DNM3: variants seen among roughly 807,000 people sequenced by gnomAD.
DNM3 encodes the protein dynamin-3.
Under a neutral mutation model 101.6 loss-of-function variants are expected in DNM3, and 47 were observed. That is an observed-to-expected ratio of 0.46 (90% CI 0.37 to 0.59). The LOEUF (loss-of-function observed/expected upper bound fraction) is 0.59. Ranked by LOEUF, DNM3 falls within the 20% of genes least tolerant of loss-of-function variation. The pLI, the probability that DNM3 is intolerant of heterozygous loss-of-function variation, is 0.00. For missense variants in DNM3, 849 were observed against 1,085.7 expected (o/e 0.78, Z 3.06); for synonymous variants, 385 against 387.9 (o/e 0.99, Z 0.09).
At chr1:171,996,572 A>C (rs2046009898) in intron 4 of DNM3, among the ~76,000 whole-genome samples, 1 of 152,126 alleles carries the variant, frequency 6.6e-6, no homozygotes, top group Admixed American at 6.6e-5. Flanking sequence ...GTAGATAAAA[A>C]TAAACACAGG....
At chr1:172,131,146 C>T in intron 13 of DNM3, 29 bp from the exon 14 acceptor site, 2 of 1,599,756 alleles carry the variant, frequency 1.3e-6, no homozygotes, top group Non-Finnish European at 1.7e-6. Context: ...TTAAACTAAA[C>T]ACCTCTGCTG....
chr1:172,248,456 G>A (rs1445131296), intron 14 of DNM3, among the ~76,000 whole-genome samples: 2 of 152,086 alleles, frequency 1.3e-5, no homozygotes, highest in African/African-American at 4.8e-5. Flanking sequence ...CTTCCAATCT[G>A]TGCTTGAAGA....
intron 17 of DNM3, among the ~76,000 whole-genome samples, chr1:172,361,141 C>A (rs1304067271): frequency 1.3e-5 from 2 of 151,932 alleles, no homozygotes; most frequent in Non-Finnish European, 2.9e-5. Context: ...ATCCTGTGTC[C>A]CTTCTGCACT....
intron 4 of DNM3, among the ~76,000 whole-genome samples, chr1:172,029,341 T>TTTG (rs1300226004): frequency 1.3e-5 from 2 of 149,526 alleles, no homozygotes; most frequent in East Asian, 2.0e-4. Flanking sequence ...CAGAAAGGCC[T>TTTG]ACAAAATTCA....
chr1:172,314,091 G>T (rs2065202321), intron 16 of DNM3, among the ~76,000 whole-genome samples: 2 of 152,040 alleles, frequency 1.3e-5, no homozygotes, highest in Admixed American at 1.3e-4. Context: ...GTTTGACTCA[G>T]CAATCCCATT....
intron 14 of DNM3, among the ~76,000 whole-genome samples, chr1:172,152,509 G>A (rs991621058): frequency 6.6e-6 from 1 of 151,900 alleles, no homozygotes; most frequent in African/African-American, 2.4e-5. Context: ...ATTCTTATAC[G>A]GGTTAGGTTG....
At chr1:172,373,996 CAGA>C (rs1304470379) in intron 17 of DNM3, among the ~76,000 whole-genome samples, 1 of 151,988 alleles carries the variant, frequency 6.6e-6, no homozygotes, top group African/African-American at 2.4e-5. Context: ...TTTACAGTGA[CAGA>C]AGAAGTTCTG....
chr1:172,096,242 A>AT (rs1323096993), intron 13 of DNM3, among the ~76,000 whole-genome samples: 2 of 152,170 alleles, frequency 1.3e-5, no homozygotes, highest in African/African-American at 4.8e-5. Flanking sequence ...CTTATTTATT[A>AT]TTTTTTGTCT....
intron 4 of DNM3, among the ~76,000 whole-genome samples, chr1:171,996,486 T>A (rs1013129834): frequency 6.6e-6 from 1 of 152,110 alleles, no homozygotes; most frequent in Non-Finnish European, 1.5e-5. Flanking sequence ...GCTTATGGTA[T>A]AGCCCCTCCT....
intron 17 of DNM3, among the ~76,000 whole-genome samples, chr1:172,351,282 T>A (rs925111673): frequency 1.3e-5 from 2 of 152,196 alleles, no homozygotes; most frequent in South Asian, 4.1e-4. Context: ...TAAGAAATTT[T>A]TGTGTTCCAG....
chr1:172,207,011 C>T (rs2060345978), intron 14 of DNM3, among the ~76,000 whole-genome samples: 1 of 152,018 alleles, frequency 6.6e-6, no homozygotes. Context: ...CTCTACCACC[C>T]ACAAATGCCT....
chr1:172,236,577 C>A (rs1477717820), intron 14 of DNM3, among the ~76,000 whole-genome samples: 1 of 148,230 alleles, frequency 6.7e-6, no homozygotes, highest in African/African-American at 2.5e-5. Context: ...AAGCTTAGAG[C>A]AAGTGAGGAA....
chr1:172,027,221 GA>G (rs1325822037), intron 4 of DNM3, among the ~76,000 whole-genome samples: 1 of 152,102 alleles, frequency 6.6e-6, no homozygotes, highest in African/African-American at 2.4e-5. Context: ...GCATCATAAT[GA>G]CAGGATCAAA....
rs1308490856 is a variant in DNM3 at position 172,379,172 on chromosome 1, T to C, written c.2048T>C (p.Met683Thr). Residue 683 changes from methionine (M) to threonine (T), a missense_variant, in exon 18 of 21, where the codon ATG (methionine) becomes ACG (threonine). Around this residue, in one of 5 missense-constraint regions of DNM3, gnomAD observed 256 missense variants for 311.7 expected, o/e 0.82. Transcript: ENST00000627582. Reference protein sequence around the residue: ...DLIPKTIMHLMINNVKDFINS... With the variant: ...DLIPKTIMHLTINNVKDFINS... ...ATTCCAAAAACAATAATGCACCTTA[T>C]GATCAATAACGTAAGTGATTATAAA... 2 of 1,606,570 alleles carry C rather than the reference T, an allele frequency of 1.2e-6. No homozygotes were observed. Among genetic ancestry groups the C allele is most frequent in the Non-Finnish European group, 1.7e-6 (2 of 1,176,030 alleles).
intron 4 of DNM3, among the ~76,000 whole-genome samples, chr1:172,025,640 G>A (rs146437817): frequency 1.1e-3 from 168 of 152,322 alleles, no homozygotes; most frequent in African/African-American, 2.8e-3. Flanking sequence ...TGCAGCCTCC[G>A]CTGGTGATAC....
chr1:172,074,728 T>G (rs968089026), intron 11 of DNM3, among the ~76,000 whole-genome samples: 5 of 152,192 alleles, frequency 3.3e-5, no homozygotes, highest in Non-Finnish European at 7.3e-5. Flanking sequence ...GATGGCATTT[T>G]GGTTGGTTCC....
intron 15 of DNM3, chr1:172,289,970 A>G (rs1315846207): frequency 1.1e-6 from 1 of 919,074 alleles, no homozygotes; most frequent in Non-Finnish European, 1.3e-6. Flanking sequence ...GTCCTAATTT[A>G]TTAAATTTAT....
chr1:172,217,100 T>C (rs1281671795), intron 14 of DNM3, among the ~76,000 whole-genome samples: 1 of 152,130 alleles, frequency 6.6e-6, no homozygotes, highest in Non-Finnish European at 1.5e-5. Context: ...TAAAACAATG[T>C]TCTCACTATA....
At chr1:172,152,958 C>T (rs577244602) in intron 14 of DNM3, among the ~76,000 whole-genome samples, 1 of 152,244 alleles carries the variant, frequency 6.6e-6, no homozygotes, top group South Asian at 2.1e-4. Flanking sequence ...CCAAGTGTTT[C>T]GGCGCCCAGA....
Sources: allele counts gnomAD v4.1 joint callset (sites outside exome capture counted in the v4.1 genomes callset), GRCh38; gene constraint gnomAD v4.1.1; regional missense constraint gnomAD v4.1.1; transcripts MANE v1.5; gene names NCBI Gene and HGNC (gene_info 2026-07-23, HGNC 2026-07-21).